The following MTFR1 variants were observed in gnomAD, a reference collection of about 807,000 sequenced individuals.
MTFR1 encodes mitochondrial fission regulator 1, also known as chondrocyte protein with a poly-proline region.
A neutral mutation model predicts 38.8 loss-of-function variants in MTFR1; 28 were observed. The ratio of observed to expected loss-of-function variants is 0.72; its 90% CI spans 0.53 to 0.99. The LOEUF (loss-of-function observed/expected upper bound fraction) is 0.99, where lower values mean the gene tolerates loss of function less well. MTFR1 is among the 50% of genes least tolerant of loss of function. The pLI, the probability that MTFR1 is intolerant of heterozygous loss-of-function variation, is 0.00. For synonymous variants in MTFR1, 145 were observed against 137.0 expected, an observed-to-expected ratio of 1.06 and a Z score of -0.41; for missense variants, 358 against 395.5, an observed-to-expected ratio of 0.91 and a Z score of 0.81.
At chr8:65,739,590 A>G (rs762819204) in intron 3 of MTFR1, 33 of 1,521,974 alleles carry the variant, frequency 2.2e-5, no homozygotes, top group Middle Eastern at 1.7e-4. Context: ...AGCTTACTAG[A>G]CTATTTCCTA....
intron 3 of MTFR1, chr8:65,724,864 C>T: frequency 6.2e-7 from 1 of 1,611,156 alleles, no homozygotes; most frequent in South Asian, 1.1e-5. Flanking sequence ...GATACTCATT[C>T]TGGCGACTGA....
In MTFR1 at chr8:65,704,797, C is replaced by G. The variant is rs369125986; in HGVS notation, c.385C>G (p.Gln129Glu). 1 of 1,614,000 alleles carries G rather than the reference C, an allele frequency of 6.2e-7. No homozygotes were observed. ...SLPDLSQEEP[Q>E]LKTPALANEE... ...ACCAGACTTGTCTCAAGAAGAGCCT[C>G]AGCTGAAGACCCCAGCGCTGGCAAA... Residue 129 changes from glutamine (Q) to glutamate (E), a missense_variant, in exon 5 of 8, where the codon CAG becomes GAG. By Grantham distance (29) the Gln-to-Glu change is conservative. Coordinates refer to ENST00000262146, the MANE Select transcript of MTFR1 (RefSeq NM_014637.4).
At chr8:65,663,493 TC>T (rs1238665897) in intron 1 of MTFR1, among the ~76,000 whole-genome samples, 9 of 101,012 alleles carry the variant, frequency 8.9e-5, no homozygotes, top group Non-Finnish European at 1.8e-4. Context: ...CCCTGCCAAA[TC>T]CCCCTCTGCG....
At chr8:65,650,378 G>A (rs1014577958) in intron 1 of MTFR1, among the ~76,000 whole-genome samples, 2 of 151,668 alleles carry the variant, frequency 1.3e-5, no homozygotes, top group Admixed American at 1.3e-4. Flanking sequence ...TCACCATTTT[G>A]GCCCAGGCTG....
At chr8:65,676,544 A>G (rs1804712197) in intron 2 of MTFR1, among the ~76,000 whole-genome samples, 1 of 152,102 alleles carries the variant, frequency 6.6e-6, no homozygotes, top group East Asian at 1.9e-4. Flanking sequence ...TTGTATTTTT[A>G]GTAAAGACAG....
At chr8:65,657,054 C>A (rs1809289030) in intron 1 of MTFR1, among the ~76,000 whole-genome samples, 1 of 150,146 alleles carries the variant, frequency 6.7e-6, no homozygotes, top group South Asian at 2.1e-4. Context: ...ACTCTTATTG[C>A]CCAGGCTGGA....
At chr8:65,777,237 G>A in the MTFR1 span, among the ~76,000 whole-genome samples, 222 of 151,846 alleles carry the variant, frequency 1.5e-3, no homozygotes, top group Non-Finnish European at 2.5e-3. Flanking sequence ...GCACCACCAC[G>A]CCTGGCTAAT....
chr8:65,726,110 A>G (rs1312271695), intron 3 of MTFR1, among the ~76,000 whole-genome samples: 2 of 152,204 alleles, frequency 1.3e-5, no homozygotes, highest in Non-Finnish European at 2.9e-5. Context: ...TTAAATTTTA[A>G]TACTCAAACA....
intron 3 of MTFR1, among the ~76,000 whole-genome samples, chr8:65,767,783 T>G (rs187340351): frequency 6.6e-6 from 1 of 152,130 alleles, no homozygotes; most frequent in Non-Finnish European, 1.5e-5. Flanking sequence ...ACCCTACACA[T>G]CTCTTCATCT....
At chr8:65,688,008 G>A (rs1563449256) in intron 3 of MTFR1, among the ~76,000 whole-genome samples, 1 of 151,330 alleles carries the variant, frequency 6.6e-6, no homozygotes, top group Non-Finnish European at 1.5e-5. Context: ...ACTGAGGCAG[G>A]AGAATCGCTT....
In MTFR1 at chr8:65,763,654, C is replaced by G. The variant is rs116482364; in HGVS notation, c.*49-7293C>G. Among the ~76,000 whole-genome samples the G allele has an allele frequency of 6.6e-3, 1,005 of 152,278 alleles. 12 individuals are homozygous for G. Among genetic ancestry groups the G allele is most frequent in the African/African-American group, 0.023 (965 of 41,562 alleles). ...GGGATGTGGGATATGCTGGATCCCT[C>G]TTATGCTGAAACTCAGACGCTGAAC... On this transcript the variant is annotated intron_variant, in intron 3 of 3. Coordinates refer to the MTFR1 transcript ENST00000521247.
At chr8:65,731,238 A>G (rs1806873864) in intron 3 of MTFR1, among the ~76,000 whole-genome samples, 1 of 152,188 alleles carries the variant, frequency 6.6e-6, no homozygotes, top group Non-Finnish European at 1.5e-5. Context: ...CAGAGCATGA[A>G]TAAGTGTACA....
intron 3 of MTFR1, among the ~76,000 whole-genome samples, chr8:65,731,115 C>T (rs914598441): frequency 2.0e-5 from 3 of 152,124 alleles, no homozygotes; most frequent in South Asian, 4.1e-4. Flanking sequence ...GCCCTGGAGG[C>T]CTGACATTCC....
intron 4 of MTFR1, among the ~76,000 whole-genome samples, chr8:65,699,731 T>A (rs1805554448): frequency 1.3e-5 from 2 of 152,218 alleles, no homozygotes; most frequent in Admixed American, 1.3e-4. Context: ...TAGTCCTGCC[T>A]GCTCTCTGCC....
At chr8:65,683,137 T>C (rs996991539) in intron 3 of MTFR1, among the ~76,000 whole-genome samples, 2 of 148,314 alleles carry the variant, frequency 1.3e-5, no homozygotes, top group Admixed American at 6.7e-5. Context: ...TCTTTCTTTT[T>C]TTTTTTTTTT....
intron 3 of MTFR1, among the ~76,000 whole-genome samples, chr8:65,689,921 T>TA: frequency 6.6e-6 from 1 of 152,336 alleles, no homozygotes; most frequent in South Asian, 2.1e-4. Context: ...ACATACATCT[T>TA]ATCAGTTTTG....
At chr8:65,762,362 T>G (rs1362868512) in intron 3 of MTFR1, among the ~76,000 whole-genome samples, 1 of 152,114 alleles carries the variant, frequency 6.6e-6, no homozygotes, top group Non-Finnish European at 1.5e-5. Context: ...CATGAATGAA[T>G]AGGGGAAAAT....
chr8:65,752,676 A>C (rs1337914615), intron 3 of MTFR1, among the ~76,000 whole-genome samples: 1 of 152,222 alleles, frequency 6.6e-6, no homozygotes, highest in Admixed American at 6.5e-5. Flanking sequence ...TTCAATATAC[A>C]AATTTAAATC....
At chr8:65,723,457 T>C (rs1806475725) in intron 3 of MTFR1, 2 of 1,211,124 alleles carry the variant, frequency 1.7e-6, no homozygotes, top group African/African-American at 1.6e-5. Context: ...ATAATTTTAA[T>C]ATTTTATATT....
Sources: gnomAD v4.1 joint callset for allele counts (sites outside exome capture counted in the v4.1 genomes callset) on GRCh38, gnomAD v4.1.1 for gene constraint, MANE v1.5 for transcripts, NCBI Gene and HGNC (gene_info 2026-07-23, HGNC 2026-07-21) for gene names.